SEC14L1: variants seen among roughly 807,000 people sequenced by gnomAD.
SEC14L1 encodes the protein SEC14 like lipid binding 1.
A neutral mutation model predicts 85.3 loss-of-function variants in SEC14L1; 48 were observed. That is an observed-to-expected ratio of 0.56 (90% CI 0.45 to 0.72). The LOEUF is 0.72. Among genes scored for constraint, SEC14L1 ranks in the 30% least tolerant of loss-of-function variants. SEC14L1 has a pLI of 0.00. For missense variants in SEC14L1, 682 were observed against 921.4 expected, an observed-to-expected ratio of 0.74 and a Z score of 3.36; for synonymous variants, 391 against 355.5, an observed-to-expected ratio of 1.10 and a Z score of -1.12.
At chr17:77,184,190 C>T (rs943247409) in intron 3 of SEC14L1, among the ~76,000 whole-genome samples, 1 of 152,212 alleles carries the variant, frequency 6.6e-6, no homozygotes, top group Non-Finnish European at 1.5e-5. Flanking sequence ...GGCTCTGTGG[C>T]TGTCCTGTTG....
intron 3 of SEC14L1, among the ~76,000 whole-genome samples, chr17:77,183,149 C>T (rs984250964): frequency 2.0e-5 from 3 of 152,272 alleles, no homozygotes; most frequent in African/African-American, 7.2e-5. Flanking sequence ...TGTGTAGCCT[C>T]TGACTCTGTC....
At position 77,213,039 on chromosome 17, in the gene SEC14L1, G is replaced by A. The variant is rs1048555559; in HGVS notation, c.1864-275G>A. 3.3e-5 allele frequency among the ~76,000 whole-genome samples: 5 copies of A among 152,236 alleles called. No individual in the cohort carries two copies. Among genetic ancestry groups the A allele is most frequent in the East Asian group, 1.9e-4 (1 of 5,202 alleles). ...ACCAGCCTGCCAGGCTCCTGCCTCC[G>A]TAGGTGGGGTGGGCTGGGCAGGCCT... On this transcript the variant is annotated intron_variant, in intron 15 of 16. Coordinates refer to ENST00000436233, the MANE Select transcript of SEC14L1 (RefSeq NM_001143998.2). The surrounding 1 kb of genome is among the most constrained non-coding windows in gnomAD (Gnocchi z 7.1).
rs1199572174 is a variant in SEC14L1 at position 77,213,327 on chromosome 17, C to A, written c.1877C>A (p.Thr626Asn). The A allele has an allele frequency of 1.2e-5, 20 of 1,609,908 alleles. No homozygotes were observed. The highest frequency in any genetic ancestry group is 1.7e-5 in the Non-Finnish European group (20 of 1,178,146). Reference sequence around the variant, plus strand: ...TACTTGTTCTAGGGTTCCCATGTGACCAGGTGGCCGGGCTTCTACATCCTG... The same window carrying A: ...TACTTGTTCTAGGGTTCCCATGTGAACAGGTGGCCGGGCTTCTACATCCTG... ...EGESVQGSHV[T>N]RWPGFYILQW... Residue 626 changes from threonine to asparagine, a missense_variant, in exon 16 of 17, where the codon ACC becomes AAC. This residue lies in a region of SEC14L1 where 420 missense variants were observed against 619.5 expected (regional missense o/e 0.68). Transcript: ENST00000436233. The surrounding 1 kb of genome is among the most constrained non-coding windows in gnomAD (Gnocchi z 7.1).
chr17:77,102,151 G>A (rs898242341), intron 3 of SEC14L1, among the ~76,000 whole-genome samples: 1 of 152,176 alleles, frequency 6.6e-6, no homozygotes, highest in African/African-American at 2.4e-5. Flanking sequence ...AAACCAAAAC[G>A]CGTTGAGCAT....
chr17:77,190,898 T>C lies in SEC14L1; in HGVS notation c.159T>C (p.His53=), dbSNP rs1262965162. The C allele has an allele frequency of 3.1e-6, 5 of 1,614,100 alleles. No individual in the cohort carries two copies. Among genetic ancestry groups the C allele is most frequent in the Non-Finnish European group, 3.4e-6 (4 of 1,180,042 alleles). The change falls in exon 4 of 17, where the codon CAT becomes CAC. Residue 53 remains histidine (H), a synonymous_variant. Coordinates refer to ENST00000436233, the MANE Select transcript of SEC14L1 (RefSeq NM_001143998.2). ...TCAAGAGCGAAGATGGGGCTATTCATGTCATTGAAAGGCGCTGCAAGCTGG... is the reference window on the plus strand; with the variant it reads ...TCAAGAGCGAAGATGGGGCTATTCACGTCATTGAAAGGCGCTGCAAGCTGG... ...NEFKSEDGAI[H]VIERRCKLDV...
At chr17:77,151,336 C>T (rs1014558427) in intron 3 of SEC14L1, among the ~76,000 whole-genome samples, 7 of 152,072 alleles carry the variant, frequency 4.6e-5, no homozygotes, top group African/African-American at 1.7e-4. Flanking sequence ...TGTAATTAGT[C>T]AGATTTAGTT....
At chr17:77,162,300 G>T (rs1425672600) in intron 3 of SEC14L1, among the ~76,000 whole-genome samples, 1 of 152,208 alleles carries the variant, frequency 6.6e-6, no homozygotes, top group Non-Finnish European at 1.5e-5. Flanking sequence ...CGCCCCATTG[G>T]CTCCTTATTG....
chr17:77,150,637 A>G (rs1973513079), intron 3 of SEC14L1, among the ~76,000 whole-genome samples: 2 of 152,190 alleles, frequency 1.3e-5, no homozygotes, highest in Non-Finnish European at 2.9e-5. Flanking sequence ...GCCTCCGTGG[A>G]GTGCGAAATG....
intron 3 of SEC14L1, among the ~76,000 whole-genome samples, chr17:77,099,613 CG>C (rs1971721130): frequency 6.6e-6 from 1 of 152,112 alleles, no homozygotes; most frequent in Non-Finnish European, 1.5e-5. Context: ...AAATATTACC[CG>C]GGTGTGGTGG....
chr17:77,199,874 A>G (rs1031311420), intron 8 of SEC14L1, among the ~76,000 whole-genome samples: 3 of 152,244 alleles, frequency 2.0e-5, no homozygotes, highest in African/African-American at 7.2e-5. Context: ...GTTGATTAGA[A>G]GTGGGAGTTT....
intron 3 of SEC14L1, among the ~76,000 whole-genome samples, chr17:77,166,293 A>G (rs1974277905): frequency 6.6e-6 from 1 of 152,128 alleles, no homozygotes; most frequent in Non-Finnish European, 1.5e-5. Context: ...TTCTTATTTA[A>G]TCTTTCAACA....
intron 3 of SEC14L1, chr17:77,130,029 G>C (rs1972567057): frequency 6.6e-6 from 1 of 152,158 alleles, no homozygotes; most frequent in Admixed American, 6.5e-5. Flanking sequence ...AATATGATTG[G>C]GTAGGCTATT....
chr17:77,177,982 G>A (rs779082013), intron 3 of SEC14L1, among the ~76,000 whole-genome samples: 70 of 151,898 alleles, frequency 4.6e-4, no homozygotes, highest in Non-Finnish European at 1.5e-4. Context: ...GGTTTGGTGG[G>A]TAATGCCCTA....
intron 3 of SEC14L1, among the ~76,000 whole-genome samples, chr17:77,161,061 T>C (rs1974032961): frequency 6.6e-6 from 1 of 152,216 alleles, no homozygotes; most frequent in Admixed American, 6.5e-5. Flanking sequence ...TCCATATTCA[T>C]TTTGAAGGGG....
intron 14 of SEC14L1, 120 bp from the exon 15 acceptor site, chr17:77,211,830 A>G: frequency 7.9e-7 from 1 of 1,273,010 alleles, no homozygotes; most frequent in East Asian, 2.3e-5. Flanking sequence ...ATACGCATTC[A>G]GCGTTTCCCT....
Position 77,216,237 on chromosome 17 carries a change from G to A in SEC14L1, c.*2214G>A. Reference sequence around the variant, plus strand: ...CTAGTAGGTAGGGTTCGTAGGTAGGGTTCGTAGGTAGGGTTCGTAGGTAGG... The same window carrying A: ...CTAGTAGGTAGGGTTCGTAGGTAGGATTCGTAGGTAGGGTTCGTAGGTAGG... On this transcript the variant is annotated 3_prime_UTR_variant, in exon 17 of 17. Transcript: ENST00000436233. The A allele has an allele frequency of 9.0e-7, 1 of 1,105,562 alleles. No homozygotes were observed. The highest frequency in any genetic ancestry group is 1.1e-6 in the Non-Finnish European group (1 of 902,018). 68.5% of individuals were successfully genotyped at this position (1,105,562 alleles called of 1,614,324 possible). A position where few individuals can be genotyped will look rare whatever the true frequency, so the allele number is the denominator to read the frequency against.
At chr17:77,108,861 C>CA (rs2143351933) in intron 3 of SEC14L1, among the ~76,000 whole-genome samples, 1 of 147,358 alleles carries the variant, frequency 6.8e-6, no homozygotes, top group South Asian at 2.1e-4. Flanking sequence ...TTGGTTCTGT[C>CA]ACCCAGGCTG....
At chr17:77,203,692 T>A (rs1481966832) in intron 10 of SEC14L1, 34 bp downstream of exon 10, 1 of 1,554,458 alleles carries the variant, frequency 6.4e-7, no homozygotes, top group Non-Finnish European at 8.8e-7. Flanking sequence ...CAGGTGCCAC[T>A]GTGGCGTCAC....
chr17:77,187,299 C>A (rs559258173), intron 3 of SEC14L1, among the ~76,000 whole-genome samples: 3 of 152,136 alleles, frequency 2.0e-5, no homozygotes, highest in Non-Finnish European at 2.9e-5. Context: ...ATAATGGGGC[C>A]GACCACAGGG....
Sources: gnomAD v4.1 joint callset for allele counts (sites outside exome capture counted in the v4.1 genomes callset) on GRCh38, gnomAD v4.1.1 for gene constraint, gnomAD v4.1.1 regional missense constraint, Gnocchi (gnomAD v3.1) non-coding constraint, MANE v1.5 for transcripts, NCBI Gene and HGNC (gene_info 2026-07-23, HGNC 2026-07-21) for gene names.